The following TENM4 variants were observed in gnomAD, a reference collection of about 807,000 sequenced individuals.
TENM4 encodes the protein teneurin transmembrane protein 4, also known as teneurin-4.
Under a neutral mutation model 243.3 loss-of-function variants are expected in TENM4, and 82 were observed. That is an observed-to-expected ratio of 0.34 (90% CI 0.28 to 0.40). The LOEUF (loss-of-function observed/expected upper bound fraction) is 0.40. Among genes scored for constraint, TENM4 ranks in the 10% least tolerant of loss-of-function variants. The pLI, the probability that TENM4 is intolerant of heterozygous loss-of-function variation, is 1.00. For missense variants in TENM4, 3,138 were observed against 3,673.3 expected, an observed-to-expected ratio of 0.85 and a Z score of 3.77; for synonymous variants, 1,412 against 1,456.3, an observed-to-expected ratio of 0.97 and a Z score of 0.69.
chr11:79,015,293 T>G (rs1472293651), intron 6 of TENM4, among the ~76,000 whole-genome samples: 1 of 152,224 alleles, frequency 6.6e-6, no homozygotes, highest in Non-Finnish European at 1.5e-5. Context: ...GTTCATGGTC[T>G]AAGCCACTGC....
At position 78,708,497 on chromosome 11, in the gene TENM4, A is replaced by G. The variant is rs1383680386; in HGVS notation, c.4073T>C (p.Phe1358Ser). The change falls in exon 27 of 34, where the codon TTT becomes TCT. Residue 1358 changes from phenylalanine (F) to serine (S), a missense_variant. Physicochemically the swap from Phe to Ser is radical, Grantham distance 155. Around this residue, in one of 2 missense-constraint regions of TENM4, gnomAD observed 2,467 missense variants for 3,059.1 expected, o/e 0.81. Coordinates refer to ENST00000278550, the MANE Select transcript of TENM4 (RefSeq NM_001098816.3). Reference protein sequence around the residue: ...TNPRGITVDKFGLIYFVDGTM... With the variant: ...TNPRGITVDKSGLIYFVDGTM... Reference sequence around the variant, plus strand: ...GCCATCCACGAAGTAGATCAGCCCAAACTTGTCCACTGTAATGCCTGGGGG... The same window carrying G: ...GCCATCCACGAAGTAGATCAGCCCAGACTTGTCCACTGTAATGCCTGGGGG... 1 of 1,613,948 alleles carries G rather than the reference A, an allele frequency of 6.2e-7. No individual in the cohort carries two copies. Among genetic ancestry groups the G allele is most frequent in the Non-Finnish European group, 8.5e-7 (1 of 1,179,856 alleles).
At chr11:78,746,675 C>G (rs539229619) in intron 19 of TENM4, among the ~76,000 whole-genome samples, 1 of 152,328 alleles carries the variant, frequency 6.6e-6, no homozygotes, top group South Asian at 2.1e-4. Flanking sequence ...GGGAGCAAGG[C>G]CCTTGTCCCA....
At chr11:79,063,647 T>C (rs756065137) in intron 6 of TENM4, among the ~76,000 whole-genome samples, 14 of 152,064 alleles carry the variant, frequency 9.2e-5, no homozygotes, top group African/African-American at 2.2e-4. Context: ...GAAGGGGAGA[T>C]TCCCCCCAGG....
intron 16 of TENM4, among the ~76,000 whole-genome samples, chr11:78,783,764 A>G (rs751514557): frequency 2.0e-5 from 3 of 152,166 alleles, no homozygotes; most frequent in Admixed American, 6.5e-5. Context: ...CTGAAAACCA[A>G]CCTCTCTTGA....
intron 1 of TENM4, among the ~76,000 whole-genome samples, chr11:79,342,263 T>C (rs139569489): frequency 1.5e-3 from 229 of 152,262 alleles, no homozygotes; most frequent in African/African-American, 5.3e-3. Context: ...GAAGCCAGCC[T>C]GTGATTGTCA....
chr11:79,080,474 G>T (rs112149362), intron 4 of TENM4, among the ~76,000 whole-genome samples: 8 of 152,346 alleles, frequency 5.3e-5, no homozygotes, highest in African/African-American at 1.7e-4. Flanking sequence ...GAAAAGCCGA[G>T]CAGGGGTTAA....
At chr11:78,891,157 G>A in intron 8 of TENM4, 81 bp downstream of exon 8, 1 of 1,321,706 alleles carries the variant, frequency 7.6e-7, no homozygotes, top group Non-Finnish European at 1.1e-6. Context: ...AAGATCCCAG[G>A]GAAAGGTCTC....
At chr11:79,112,856 C>T (rs1861535967) in intron 4 of TENM4, among the ~76,000 whole-genome samples, 1 of 152,156 alleles carries the variant, frequency 6.6e-6, no homozygotes, top group South Asian at 2.1e-4. Flanking sequence ...ATCCTCTCCC[C>T]ACCCTTCACT....
At chr11:79,245,853 T>C (rs1430761817) in intron 2 of TENM4, among the ~76,000 whole-genome samples, 1 of 147,536 alleles carries the variant, frequency 6.8e-6, no homozygotes, top group East Asian at 2.0e-4. Flanking sequence ...GACAGGAGAA[T>C]TGCTTGAACC....
At chr11:79,333,414 T>A (rs1857094228) in intron 1 of TENM4, among the ~76,000 whole-genome samples, 1 of 152,210 alleles carries the variant, frequency 6.6e-6, no homozygotes, top group Non-Finnish European at 1.5e-5. Context: ...GTGGTTGGTT[T>A]CCACACCATT....
rs538238874 is a variant in TENM4, at chr11:78,914,793, T to C, written c.494-11270A>G. ...ATGTAACCAATTCCTCTAGCTGTCA[T>C]CTTCCACATATCTGCTAGCTCCTCA... On this transcript the variant is annotated intron_variant, in intron 6 of 33. Transcript: ENST00000278550. Among the ~76,000 whole-genome samples the C allele has an allele frequency of 1.5e-3, 232 of 152,328 alleles. 2 individuals carry two copies. Among genetic ancestry groups the C allele is most frequent in the African/African-American group, 5.4e-3 (224 of 41,562 alleles).
intron 1 of TENM4, among the ~76,000 whole-genome samples, chr11:79,390,264 C>G (rs926250192): frequency 6.6e-6 from 1 of 152,198 alleles, no homozygotes; most frequent in Admixed American, 6.5e-5. Context: ...ACAGAGCCAC[C>G]AGCACCATCC....
At chr11:79,430,187 C>CA (rs1859136504) in intron 1 of TENM4, among the ~76,000 whole-genome samples, 3 of 117,280 alleles carry the variant, frequency 2.6e-5, no homozygotes, top group African/African-American at 1.1e-4. Flanking sequence ...ATTCAACCTG[C>CA]GAAAAAAAAA....
intron 4 of TENM4, among the ~76,000 whole-genome samples, chr11:79,105,137 C>T (rs546588775): frequency 1.3e-5 from 2 of 152,326 alleles, no homozygotes; most frequent in East Asian, 3.9e-4. Context: ...ACCCCAATTT[C>T]AGTTCGAAAG....
At chr11:79,107,345 C>T (rs949759304) in intron 4 of TENM4, among the ~76,000 whole-genome samples, 1 of 152,152 alleles carries the variant, frequency 6.6e-6, no homozygotes, top group African/African-American at 2.4e-5. Context: ...AGACGATCCC[C>T]TCTGTGAGTT....
At chr11:79,323,074 A>G (rs1248357790) in intron 1 of TENM4, among the ~76,000 whole-genome samples, 1 of 152,224 alleles carries the variant, frequency 6.6e-6, no homozygotes, top group Non-Finnish European at 1.5e-5. Flanking sequence ...CACAGTAGAT[A>G]CTTTGTCATA....
chr11:78,975,603 C>T (rs1200103663), intron 6 of TENM4, among the ~76,000 whole-genome samples: 3 of 116,304 alleles, frequency 2.6e-5, no homozygotes, highest in African/African-American at 7.7e-5. Context: ...CACACCCACA[C>T]ACACACACAC....
chr11:79,312,853 T>A (rs1394433166), intron 1 of TENM4, among the ~76,000 whole-genome samples: 1 of 152,180 alleles, frequency 6.6e-6, no homozygotes, highest in Non-Finnish European at 1.5e-5. Context: ...TTTCTCTTAA[T>A]GAGATGCACA....
chr11:78,860,394 A>C (rs888630415), intron 10 of TENM4, among the ~76,000 whole-genome samples: 8 of 152,194 alleles, frequency 5.3e-5, no homozygotes, highest in Non-Finnish European at 2.9e-5. Context: ...GTCAGGATTA[A>C]CATCCTATAC....
Sources: allele counts gnomAD v4.1 joint callset (sites outside exome capture counted in the v4.1 genomes callset), GRCh38; gene constraint gnomAD v4.1.1; regional missense constraint gnomAD v4.1.1; transcripts MANE v1.5; gene names NCBI Gene and HGNC (gene_info 2026-07-23, HGNC 2026-07-21).